The following MSH6 variants were observed in gnomAD, a reference collection of about 807,000 sequenced individuals.
The protein encoded by MSH6 is DNA mismatch repair protein Msh6.
In MSH6, 85 loss-of-function variants were observed where a neutral mutation model predicts 119.1. The observed-to-expected ratio is 0.71, with a 90% CI of 0.60 to 0.85. The LOEUF (loss-of-function observed/expected upper bound fraction) is 0.85, where lower values mean the gene tolerates loss of function less well. Ranked by LOEUF, MSH6 falls within the 40% of genes least tolerant of loss-of-function variation. The probability of loss-of-function intolerance (pLI) is 0.00; values close to 1 mark genes in which losing one functional copy is unlikely to be tolerated. For synonymous variants in MSH6, 830 were observed against 586.9 expected, an observed-to-expected ratio of 1.41 and a Z score of -5.99; for missense variants, 2,163 against 1,655.3, an observed-to-expected ratio of 1.31 and a Z score of -5.32.
At position 47,783,414 on chromosome 2, in the gene MSH6, G is replaced by GCGCGCTCCGCGTCAC; in HGVS notation, c.185_199dup (p.Arg62_Pro66dup). On this transcript the variant is annotated inframe_insertion, in exon 1 of 10. Transcript: ENST00000234420. ...GGCTGGGCCTGGGCCCAGGCCCTTG[G>GCGCGCTCCGCGTCAC]CGCGCTCCGCGTCACCGCCCAAGGC... 1 of 1,520,752 alleles carries GCGCGCTCCGCGTCAC rather than the reference G, an allele frequency of 6.6e-7. No homozygotes were observed. The highest frequency in any genetic ancestry group is 8.8e-7 in the Non-Finnish European group (1 of 1,136,902). 94.2% of individuals were successfully genotyped at this position (1,520,752 alleles called of 1,614,324 possible). A position where few individuals can be genotyped will look rare whatever the true frequency, so the allele number is the denominator to read the frequency against.
At chr2:47,805,979 A>G (rs1188418341) in intron 7 of MSH6, among the ~76,000 whole-genome samples, 1 of 152,182 alleles carries the variant, frequency 6.6e-6, no homozygotes, top group African/African-American at 2.4e-5. Context: ...AGGAGGACTC[A>G]GGAAGTTTAT....
rs371024317 is a variant in MSH6, at chr2:47,803,821, CCT to C, written c.3438+137_3438+138del. 143 of 902,604 alleles carry C rather than the reference CCT, an allele frequency of 1.6e-4. 1 individual carries two copies. The African/African-American group carries it at 1.7e-3, about 11-fold the overall frequency. The allele number at this position is 902,604 out of a possible 1,614,324, so 55.9% of individuals were successfully genotyped here. ...AATAGGAAGCAAAGGGAAATTACTC[CCT>C]GTGTTATAAAATTGAGAATTATATT... On this transcript the variant is annotated intron_variant, in intron 5 of 9. Coordinates refer to ENST00000234420, the MANE Select transcript of MSH6 (RefSeq NM_000179.3).
At position 47,792,607 on chromosome 2, in the gene MSH6, G is replaced by A. The variant is rs1407322746; in HGVS notation, c.457+1484G>A. The stretch of plus-strand genomic sequence containing the variant: ...GAGCTCAAGCAGTCTGCCCACTTCG[G>A]CCTCCCAAAGTGCTGAGACTACAGG... On this transcript the variant is annotated intron_variant, in intron 2 of 9. Transcript: ENST00000234420. Among the ~76,000 whole-genome samples the A allele has an allele frequency of 2.0e-5, 3 of 152,190 alleles. No homozygotes were observed. The East Asian group carries it at 5.8e-4, about 30-fold the overall frequency.
rs1669883408 is a variant in MSH6, at chr2:47,805,036, T to C, written c.3556+9T>C. On this transcript the variant is annotated intron_variant, in intron 6 of 9. Coordinates refer to ENST00000234420, the MANE Select transcript of MSH6 (RefSeq NM_000179.3). ...AGACAGAATAATGTCAGGTGAGTTT[T>C]TTGTTTCCCACTTAAGTTCTCATTC... is the stretch of plus-strand genomic sequence containing the variant. 1 of 1,579,256 alleles carries C rather than the reference T, an allele frequency of 6.3e-7. No individual in the cohort carries two copies. Among genetic ancestry groups the C allele is most frequent in the Non-Finnish European group, 8.7e-7 (1 of 1,148,336 alleles).
intron 1 of MSH6, among the ~76,000 whole-genome samples, chr2:47,790,441 T>C (rs966405896): frequency 6.6e-6 from 1 of 152,202 alleles, no homozygotes; most frequent in Non-Finnish European, 1.5e-5. Flanking sequence ...TTGGAATACA[T>C]AGGAGTGTAA....
At chr2:47,805,517 A>G in intron 6 of MSH6, 101 bp from the exon 7 acceptor site, 2 of 843,520 alleles carry the variant, frequency 2.4e-6, no homozygotes, top group South Asian at 2.8e-5. Context: ...AATCTTTTAT[A>G]CCAATATGTG....
downstream of MSH6, chr2:47,808,264 C>T (rs1196547016): frequency 6.2e-7 from 1 of 1,612,486 alleles, no homozygotes; most frequent in Non-Finnish European, 8.5e-7. Context: ...CAAAATGAAA[C>T]CCAAATATTA....
chr2:47,789,405 C>T (rs767092146), intron 1 of MSH6: 2 of 460,628 alleles, frequency 4.3e-6, no homozygotes, highest in Non-Finnish European at 8.9e-6. Context: ...GCTTTTCACA[C>T]AAACTTTTTT....
intron 1 of MSH6, among the ~76,000 whole-genome samples, chr2:47,787,524 TA>T (rs893402693): frequency 2.6e-5 from 4 of 152,120 alleles, no homozygotes; most frequent in African/African-American, 9.7e-5. Context: ...CCCACCGTCT[TA>T]AAAAACCCCA....
chr2:47,805,840 G>C (rs1669994966), intron 7 of MSH6, 133 bp downstream of exon 7: 3 of 764,802 alleles, frequency 3.9e-6, no homozygotes, highest in African/African-American at 3.5e-5. Context: ...TCACCATTGT[G>C]GCACAGACCG....
Position 47,786,707 on chromosome 2 carries a change from C to T in MSH6, c.260+3214C>T, listed in dbSNP as rs138031907. 2.7e-5 allele frequency among the ~76,000 whole-genome samples: 4 copies of T among 150,462 alleles called. No homozygotes were observed. The East Asian group carries it at 7.7e-4, about 29-fold the overall frequency. On this transcript the variant is annotated intron_variant, in intron 1 of 9. Transcript: ENST00000234420. ...TTTCTTCTTGTGCTGAAGTGTTTGT[C>T]TTTTGCTGTTTCTTTTTTTTTTCCT...
chr2:47,784,350 C>A, intron 1 of MSH6: 2 of 680,428 alleles, frequency 2.9e-6, no homozygotes, highest in Non-Finnish European at 1.8e-6. Context: ...TTTTATGGGG[C>A]ACCACTGGGC....
At position 47,803,555 on chromosome 2, in the gene MSH6, T is replaced by A. The variant is rs1553331529; in HGVS notation, c.3308T>A (p.Phe1103Tyr). The change falls in exon 5 of 10, where the codon TTT becomes TAT. Residue 1103 changes from phenylalanine (F) to tyrosine (Y), a missense_variant. Phe to Tyr is a conservative substitution (Grantham distance 22, BLOSUM62 3). Coordinates refer to ENST00000234420, the MANE Select transcript of MSH6 (RefSeq NM_000179.3). ...GSRHPCITKT[F>Y]FGDDFIPNDI... ...CGCCATCCTTGCATTACGAAGACTT[T>A]TTTTGGAGATGATTTTATTCCTAAT... 1 of 1,614,158 alleles carries A rather than the reference T, an allele frequency of 6.2e-7. No homozygotes were observed.
intron 7 of MSH6, 148 bp downstream of exon 7, chr2:47,805,855 T>G: frequency 1.4e-6 from 1 of 731,960 alleles, no homozygotes; most frequent in Non-Finnish European, 2.4e-6. Flanking sequence ...AGACCGATAG[T>G]TGGAGATAAA....
intron 1 of MSH6, among the ~76,000 whole-genome samples, chr2:47,785,476 C>T (rs948038050): frequency 1.3e-5 from 2 of 151,982 alleles, no homozygotes; most frequent in Non-Finnish European, 2.9e-5. Flanking sequence ...CTTCAGCCTC[C>T]CAAAGTGCTG....
intron 4 of MSH6, 95 bp downstream of exon 4, chr2:47,801,250 G>T (rs761171822): frequency 3.9e-5 from 53 of 1,345,864 alleles, no homozygotes; most frequent in Non-Finnish European, 5.4e-5. Flanking sequence ...AGGTATATAT[G>T]GTACATATTT....
chr2:47,790,587 C>T (rs1438886905), intron 1 of MSH6, among the ~76,000 whole-genome samples: 1 of 152,034 alleles, frequency 6.6e-6, no homozygotes, highest in Non-Finnish European at 1.5e-5. Flanking sequence ...TGTATAGGTG[C>T]TACTAATTTG....
downstream of MSH6, chr2:47,808,597 TTCCTGTCA>T: frequency 3.8e-6 from 2 of 527,034 alleles, no homozygotes; most frequent in South Asian, 7.0e-5. Context: ...GTAAGTGATT[TTCCTGTCA>T]TCTGTGTCTT....
At chr2:47,805,183 C>CTTTTTTTTTTTTT (rs35781475) in intron 6 of MSH6, among the ~76,000 whole-genome samples, 156 bp downstream of exon 6, 2 of 141,138 alleles carry the variant, frequency 1.4e-5, no homozygotes. Flanking sequence ...GTCTCTCTCT[C>CTTTTTTTTTTTTT]TTTTTTTTTT....
Sources: gnomAD v4.1 joint callset for allele counts (sites outside exome capture counted in the v4.1 genomes callset) on GRCh38, gnomAD v4.1.1 for gene constraint, MANE v1.5 for transcripts, NCBI Gene and HGNC (gene_info 2026-07-23, HGNC 2026-07-21) for gene names.